Variants in NCALD observed in about 807,000 individuals in gnomAD.
The protein encoded by NCALD is neurocalcin-delta.
NCALD carries 10 observed loss-of-function variants against 18.6 expected under a neutral mutation model. The observed-to-expected ratio is 0.54, with a 90% confidence interval of 0.33 to 0.91. The LOEUF (loss-of-function observed/expected upper bound fraction) is 0.91. Among genes scored for constraint, NCALD ranks in the 40% least tolerant of loss-of-function variants. NCALD has a pLI of 0.03. For missense variants in NCALD, 184 were observed against 247.6 expected, an observed-to-expected ratio of 0.74 and a Z score of 1.72; for synonymous variants, 88 against 87.4, an observed-to-expected ratio of 1.01 and a Z score of -0.04.
chr8:101,890,411 T>A (rs1466248353), intron 3 of NCALD, among the ~76,000 whole-genome samples: 1 of 152,194 alleles, frequency 6.6e-6, no homozygotes, highest in African/African-American at 2.4e-5. Context: ...CTATGTATAT[T>A]CTCTAGTGCT....
chr8:101,703,015 C>T (rs1056828760), intron 2 of NCALD, among the ~76,000 whole-genome samples: 3 of 152,236 alleles, frequency 2.0e-5, no homozygotes, highest in Non-Finnish European at 4.4e-5. Context: ...TTTTCTCAAA[C>T]TGGTTTGACC....
At chr8:101,875,302 G>A (rs964866970) in intron 4 of NCALD, among the ~76,000 whole-genome samples, 4 of 152,174 alleles carry the variant, frequency 2.6e-5, no homozygotes, top group Non-Finnish European at 5.9e-5. Context: ...ATCCTGTTCC[G>A]GGAGCTCCCC....
chr8:101,777,058 G>T (rs1487120246), intron 1 of NCALD, among the ~76,000 whole-genome samples: 2 of 152,084 alleles, frequency 1.3e-5, no homozygotes, highest in Admixed American at 6.6e-5. Context: ...GTTTGCCACT[G>T]GGCCTTCATC....
At chr8:101,897,610 G>A (rs1215838338) in intron 3 of NCALD, among the ~76,000 whole-genome samples, 2 of 152,142 alleles carry the variant, frequency 1.3e-5, no homozygotes, top group Non-Finnish European at 2.9e-5. Flanking sequence ...AAATAAAGCT[G>A]CTAGGAACAA....
At chr8:101,892,215 G>A (rs1199130314) in intron 3 of NCALD, among the ~76,000 whole-genome samples, 1 of 149,434 alleles carries the variant, frequency 6.7e-6, no homozygotes, top group Non-Finnish European at 1.5e-5. Flanking sequence ...CCTGACCCCC[G>A]AGCAGCCGAA....
At chr8:102,111,442 G>GT (rs1554599661) in intron 1 of NCALD, among the ~76,000 whole-genome samples, 2 of 147,168 alleles carry the variant, frequency 1.4e-5, no homozygotes, top group African/African-American at 5.0e-5. Flanking sequence ...GTGTGTGTGT[G>GT]GTGTGCACAT....
At chr8:102,108,937 C>T (rs1825560474) in intron 1 of NCALD, among the ~76,000 whole-genome samples, 1 of 152,314 alleles carries the variant, frequency 6.6e-6, no homozygotes, top group African/African-American at 2.4e-5. Flanking sequence ...GCAGGAATAA[C>T]CATGCGTGAA....
intron 1 of NCALD, among the ~76,000 whole-genome samples, chr8:102,072,830 G>A (rs1298007779): frequency 6.6e-6 from 1 of 152,038 alleles, no homozygotes; most frequent in Non-Finnish European, 1.5e-5. Flanking sequence ...CTAAATAATT[G>A]TATATTTTTC....
chr8:101,706,500 A>G (rs1815532397), intron 2 of NCALD, among the ~76,000 whole-genome samples: 1 of 152,208 alleles, frequency 6.6e-6, no homozygotes, highest in South Asian at 2.1e-4. Context: ...GGTTGTTGTG[A>G]GGATTAAATG....
At chr8:102,108,985 A>G (rs554976560) in intron 1 of NCALD, among the ~76,000 whole-genome samples, 51 of 152,332 alleles carry the variant, frequency 3.3e-4, no homozygotes, top group African/African-American at 1.1e-3. Flanking sequence ...CTGTAAAATG[A>G]GATCGTATCT....
intron 1 of NCALD, among the ~76,000 whole-genome samples, chr8:101,786,522 G>C (rs994700153): frequency 4.6e-5 from 7 of 152,182 alleles, no homozygotes; most frequent in African/African-American, 1.7e-4. Context: ...TCACAAACCT[G>C]ATCATGGTTT....
At chr8:102,030,957 TA>T (rs35761403) in intron 1 of NCALD, among the ~76,000 whole-genome samples, 57,708 of 147,000 alleles carry the variant, frequency 0.39, 11,344 homozygotes, top group East Asian at 0.48. Flanking sequence ...TGATAAATGA[TA>T]AAAAAAAAAA....
intron 1 of NCALD, among the ~76,000 whole-genome samples, chr8:102,036,578 C>T (rs1822873508): frequency 6.6e-6 from 1 of 151,972 alleles, no homozygotes; most frequent in African/African-American, 2.4e-5. Flanking sequence ...AGTTTGAGAC[C>T]AGCTTGGCTA....
At chr8:101,936,418 GGAGA>G (rs1215965130) in intron 2 of NCALD, among the ~76,000 whole-genome samples, 8 of 152,130 alleles carry the variant, frequency 5.3e-5, no homozygotes, top group Non-Finnish European at 1.0e-4. Context: ...GGAAATGAAG[GGAGA>G]AACAGCCAAG....
intron 4 of NCALD, among the ~76,000 whole-genome samples, chr8:101,866,924 C>A (rs1815794874): frequency 6.6e-6 from 1 of 152,196 alleles, no homozygotes; most frequent in South Asian, 2.1e-4. Flanking sequence ...GCACTCCCAT[C>A]CTACTCAGAG....
At chr8:101,773,550 C>G (rs890507260) in intron 1 of NCALD, among the ~76,000 whole-genome samples, 2 of 152,086 alleles carry the variant, frequency 1.3e-5, no homozygotes, top group East Asian at 1.9e-4. Flanking sequence ...GATTCACAAC[C>G]CTCCCTGCAC....
At chr8:101,780,094 CTG>C (rs1211588281) in intron 1 of NCALD, 3 of 152,040 alleles carry the variant, frequency 2.0e-5, no homozygotes, top group Non-Finnish European at 4.4e-5. Flanking sequence ...TCATATTCTT[CTG>C]TGTTTTCCAA....
intron 1 of NCALD, among the ~76,000 whole-genome samples, chr8:102,036,403 T>A (rs988570459): frequency 4.6e-5 from 7 of 152,032 alleles, no homozygotes; most frequent in Non-Finnish European, 7.4e-5. Context: ...GAAGCAATAA[T>A]TTATAAAGAA....
chr8:101,954,952 A>C (rs1819567347), intron 2 of NCALD, among the ~76,000 whole-genome samples: 1 of 152,106 alleles, frequency 6.6e-6, no homozygotes, highest in Admixed American at 6.5e-5. Flanking sequence ...TCAGTTATTT[A>C]TCTGCAAAAT....
Sources: allele counts gnomAD v4.1 joint callset (sites outside exome capture counted in the v4.1 genomes callset), GRCh38; gene constraint gnomAD v4.1.1; transcripts MANE v1.5; gene names NCBI Gene and HGNC (gene_info 2026-07-23, HGNC 2026-07-21).